Variants in CDC14A observed in about 807,000 individuals in gnomAD.
CDC14A encodes dual specificity protein phosphatase CDC14A.
CDC14A carries 53 observed loss-of-function variants against 74.4 expected under a neutral mutation model. The observed-to-expected ratio is 0.71, with a 90% CI of 0.57 to 0.89. The LOEUF (loss-of-function observed/expected upper bound fraction) is 0.89, where lower values mean the gene tolerates loss of function less well. Among genes scored for constraint, CDC14A ranks in the 40% least tolerant of loss-of-function variants. CDC14A has a pLI of 0.00. For synonymous variants in CDC14A, 247 were observed against 258.4 expected, an observed-to-expected ratio of 0.96 and a Z score of 0.43; for missense variants, 646 against 713.7, an observed-to-expected ratio of 0.91 and a Z score of 1.08.
At chr1:100,415,692 G>A (rs1016137956) in intron 4 of CDC14A, among the ~76,000 whole-genome samples, 4 of 152,170 alleles carry the variant, frequency 2.6e-5, no homozygotes, top group African/African-American at 9.7e-5. Flanking sequence ...AGACTATTTA[G>A]CATGATAGAT....
chr1:100,450,673 G>A (rs1474800281), intron 7 of CDC14A, among the ~76,000 whole-genome samples: 5 of 152,154 alleles, frequency 3.3e-5, no homozygotes, highest in African/African-American at 4.8e-5. Context: ...CAGTGTTTCC[G>A]TATCTGTTAC....
intron 4 of CDC14A, among the ~76,000 whole-genome samples, chr1:100,412,723 T>TATATATATATATATATATATATATATATA (rs1491148182): frequency 1.1e-4 from 9 of 83,708 alleles, no homozygotes; most frequent in African/African-American, 9.1e-4. Context: ...TATATATATA[T>TATATATATATATATATATATATATATATA]TTTATATATA....
chr1:100,451,237 T>G (rs929052157), intron 7 of CDC14A, among the ~76,000 whole-genome samples: 1 of 152,182 alleles, frequency 6.6e-6, no homozygotes, highest in African/African-American at 2.4e-5. Context: ...GTGCACTGGA[T>G]TTTTGCACCC....
chr1:100,450,715 A>G (rs1234842152), intron 7 of CDC14A, among the ~76,000 whole-genome samples: 1 of 152,194 alleles, frequency 6.6e-6, no homozygotes, highest in Non-Finnish European at 1.5e-5. Flanking sequence ...CACGTTGGTT[A>G]AGTCTATAAA....
chr1:100,381,125 G>T (rs1040682150), intron 3 of CDC14A, among the ~76,000 whole-genome samples: 1 of 152,204 alleles, frequency 6.6e-6, no homozygotes, highest in Admixed American at 6.5e-5. Context: ...TCAGTGCCTA[G>T]TGCAGGGACA....
rs1661608269 is a variant in CDC14A, at chr1:100,416,955, GTCCATCA to G, written c.310-7265_310-7259del. On this transcript the variant is annotated intron_variant, in intron 4 of 15. Transcript: ENST00000336454. ...TAAAACGCCCACTATTTGTGCAATC[GTCCATCA>G]TTTTTTGAGTGTGTGCTACATGCCA... 2.6e-5 allele frequency among the ~76,000 whole-genome samples: 4 copies of G among 152,046 alleles called. No homozygotes were observed. The South Asian group carries it at 8.3e-4, about 32-fold the overall frequency.
chr1:100,393,788 C>G (rs1357804679), intron 4 of CDC14A: 1 of 290,758 alleles, frequency 3.4e-6, no homozygotes, highest in Non-Finnish European at 6.7e-6. Context: ...ACTAAAAATA[C>G]AAAAATTAGC....
At chr1:100,395,996 C>T (rs758363874) in intron 4 of CDC14A, among the ~76,000 whole-genome samples, 6 of 152,194 alleles carry the variant, frequency 3.9e-5, no homozygotes, top group Non-Finnish European at 5.9e-5. Context: ...ATCCTTTAGA[C>T]CTTTGTTGCT....
chr1:100,501,337 G>C (rs1648102881), intron 15 of CDC14A, among the ~76,000 whole-genome samples: 1 of 152,166 alleles, frequency 6.6e-6, no homozygotes, highest in African/African-American at 2.4e-5. Flanking sequence ...GAGATATATA[G>C]ATAATCATAC....
At chr1:100,363,662 G>A (rs957897058) in intron 2 of CDC14A, among the ~76,000 whole-genome samples, 1 of 151,158 alleles carries the variant, frequency 6.6e-6, no homozygotes, top group Non-Finnish European at 1.5e-5. Context: ...ACTGGAAAAG[G>A]TAGTTTATTT....
At chr1:100,405,838 A>G (rs536211576) in intron 4 of CDC14A, among the ~76,000 whole-genome samples, 12 of 152,302 alleles carry the variant, frequency 7.9e-5, no homozygotes, top group Non-Finnish European at 1.2e-4. Flanking sequence ...TGCAGTGAAC[A>G]TACACGTGCA....
intron 2 of CDC14A, among the ~76,000 whole-genome samples, chr1:100,365,979 G>C (rs1202988179): frequency 8.7e-6 from 1 of 115,286 alleles, no homozygotes; most frequent in East Asian, 2.2e-4. Flanking sequence ...CACACACACG[G>C]TCTCATTGTG....
intron 7 of CDC14A, among the ~76,000 whole-genome samples, chr1:100,452,437 G>A (rs6662969): frequency 0.27 from 41,689 of 151,968 alleles, 7,668 homozygotes; most frequent in African/African-American, 0.52. Context: ...GCTTGAACCC[G>A]GAGGCAGAGG....
chr1:100,499,159 C>G lies in CDC14A; in HGVS notation c.1652C>G (p.Pro551Arg), dbSNP rs369307315. ...AACGGGGGCAACCTGAACAGCCCCC[C>G]AGGCCCCCACAGCGCCAAGACAGAG... ...NSNGGNLNSP[P>R]GPHSAKTEEH... is the part of the protein sequence containing the mutation. Residue 551 changes from proline to arginine, a missense_variant, in exon 15 of 16, where the codon CCA becomes CGA. Physicochemically the swap from Pro to Arg is moderately radical, Grantham distance 103. Coordinates refer to ENST00000336454, the MANE Select transcript of CDC14A (RefSeq NM_003672.4). 2.1e-5 allele frequency: 34 copies of G among 1,614,174 alleles called. No homozygotes were observed. Among genetic ancestry groups the G allele is most frequent in the Middle Eastern group, 1.6e-4 (1 of 6,062 alleles).
intron 3 of CDC14A, among the ~76,000 whole-genome samples, chr1:100,383,112 T>G (rs1281001853): frequency 6.6e-6 from 1 of 152,182 alleles, no homozygotes; most frequent in Admixed American, 6.5e-5. Context: ...TTAAAGAGGT[T>G]CTAGGGGCTC....
intron 11 of CDC14A, among the ~76,000 whole-genome samples, chr1:100,492,194 C>T (rs897056893): frequency 6.6e-6 from 1 of 152,070 alleles, no homozygotes; most frequent in Non-Finnish European, 1.5e-5. Context: ...TTAAAATGTA[C>T]TGTTATTTAA....
chr1:100,359,407 G>T (rs554239966), intron 2 of CDC14A, among the ~76,000 whole-genome samples: 2 of 152,298 alleles, frequency 1.3e-5, no homozygotes, highest in African/African-American at 4.8e-5. Context: ...GCATTTCCCA[G>T]TTGGCCTGAG....
chr1:100,431,131 G>A lies in CDC14A; in HGVS notation c.389+6830G>A, dbSNP rs534478573. 2.0e-5 allele frequency among the ~76,000 whole-genome samples: 3 copies of A among 152,296 alleles called. No homozygotes were observed. The Middle Eastern group carries it at 0.01, about 518-fold the overall frequency. On this transcript the variant is annotated intron_variant, in intron 5 of 15. Transcript: ENST00000336454. Reference sequence around the variant, plus strand: ...TCTTTGTCAGAGTTTTCTTGTTAAAGTGCTAAGTAAGCTCCGCTATACAGG... The same window carrying A: ...TCTTTGTCAGAGTTTTCTTGTTAAAATGCTAAGTAAGCTCCGCTATACAGG...
chr1:100,459,086 A>AACACACACACACACACAC (rs751247467), intron 8 of CDC14A, among the ~76,000 whole-genome samples: 1,979 of 126,168 alleles, frequency 0.016, 15 homozygotes, highest in African/African-American at 0.027. Context: ...CTTCTATTTA[A>AACACACACACACACACAC]ACACACACAC....
Sources: gnomAD v4.1 joint callset for allele counts (sites outside exome capture counted in the v4.1 genomes callset) on GRCh38, gnomAD v4.1.1 for gene constraint, MANE v1.5 for transcripts, NCBI Gene and HGNC (gene_info 2026-07-23, HGNC 2026-07-21) for gene names.